The following FHL5 variants were observed in gnomAD, a reference collection of about 807,000 sequenced individuals.
FHL5 encodes the protein four and a half LIM domains 5.
A neutral mutation model predicts 32.0 loss-of-function variants in FHL5; 33 were observed. The observed-to-expected ratio is 1.03, with a 90% CI of 0.78 to 1.38. The LOEUF is 1.38. Among genes scored for constraint, FHL5 ranks in the 40% most tolerant of loss-of-function variants. FHL5 has a pLI of 0.00. For missense variants in FHL5, 336 were observed against 343.9 expected, an observed-to-expected ratio of 0.98 and a Z score of 0.18; for synonymous variants, 114 against 113.6, an observed-to-expected ratio of 1.00 and a Z score of -0.02.
At chr6:96,577,713 C>T (rs1385579220) in intron 1 of FHL5, among the ~76,000 whole-genome samples, 2 of 152,132 alleles carry the variant, frequency 1.3e-5, no homozygotes, top group Non-Finnish European at 1.5e-5. Flanking sequence ...GAAGCTGTTA[C>T]TTGGTCAACA....
intron 5 of FHL5, 26 bp from the exon 6 acceptor site, chr6:96,615,583 A>T: frequency 6.4e-7 from 1 of 1,572,740 alleles, no homozygotes; most frequent in Non-Finnish European, 8.7e-7. Context: ...AGGATAGATT[A>T]ATCTTTTTCT....
At chr6:96,597,252 T>C (rs188794337) in intron 1 of FHL5, among the ~76,000 whole-genome samples, 2 of 151,832 alleles carry the variant, frequency 1.3e-5, no homozygotes, top group Admixed American at 1.3e-4. Flanking sequence ...ATACATTATA[T>C]ATAATTACTT....
chr6:96,566,139 G>A (rs537037038), intron 1 of FHL5, among the ~76,000 whole-genome samples: 3 of 151,754 alleles, frequency 2.0e-5, no homozygotes, highest in African/African-American at 7.2e-5. Context: ...ACCTACCTTT[G>A]GCTATCTCTT....
chr6:96,600,002 T>C (rs1354138232), intron 1 of FHL5, among the ~76,000 whole-genome samples: 1 of 152,218 alleles, frequency 6.6e-6, no homozygotes, highest in Non-Finnish European at 1.5e-5. Flanking sequence ...TGTTAGGGAA[T>C]GGTTAAAACA....
Position 96,605,990 on chromosome 6 carries a change from T to G in FHL5, c.423T>G (p.Pro141=). 6.2e-7 allele frequency: 1 copy of G among 1,614,098 alleles called. No individual in the cohort carries two copies. The highest frequency in any genetic ancestry group is 8.5e-7 in the Non-Finnish European group (1 of 1,179,968). The part of the protein sequence containing the change: ...ENCRQPIGTK[P]LISKESGNYC... ...GCCGACAACCTATAGGGACAAAGCC[T>G]TTGATCTCCAAAGAGAGTGGCAATT... Residue 141 remains proline (P), a synonymous_variant, in exon 4 of 6, where the codon CCT becomes CCG. Transcript: ENST00000450218.
At chr6:96,589,915 T>A (rs180743407) in intron 1 of FHL5, among the ~76,000 whole-genome samples, 1 of 152,192 alleles carries the variant, frequency 6.6e-6, no homozygotes, top group Non-Finnish European at 1.5e-5. Context: ...CAACACCATT[T>A]ACTAAAAAGA....
chr6:96,591,035 T>C (rs1027353140), intron 1 of FHL5, among the ~76,000 whole-genome samples: 3 of 152,108 alleles, frequency 2.0e-5, no homozygotes, highest in African/African-American at 7.2e-5. Context: ...TATGGACCTA[T>C]AGTTTTCCTT....
At chr6:96,593,571 T>C (rs937542052) in intron 1 of FHL5, among the ~76,000 whole-genome samples, 3 of 152,116 alleles carry the variant, frequency 2.0e-5, no homozygotes, top group Non-Finnish European at 4.4e-5. Context: ...AGGGCATAGC[T>C]CTTTGGAAAT....
chr6:96,605,945 C>A lies in FHL5; in HGVS notation c.378C>A (p.Thr126=), dbSNP rs1554180240. Residue 126 remains threonine, a synonymous_variant, in exon 4 of 6, where the codon ACC becomes ACA. Coordinates refer to ENST00000450218, the MANE Select transcript of FHL5 (RefSeq NM_001322466.2). ...TTAAGGGAAACTACTGGCATGAAAC[C>A]TGTTTTGTGTGTGAGAATTGCCGAC... ...MEFKGNYWHE[T]CFVCENCRQP... 1.2e-6 allele frequency: 2 copies of A among 1,614,052 alleles called. No individual in the cohort carries two copies. The highest frequency in any genetic ancestry group is 2.2e-5 in the East Asian group (1 of 44,868).
At chr6:96,576,509 C>A (rs945594037) in intron 1 of FHL5, among the ~76,000 whole-genome samples, 9 of 152,222 alleles carry the variant, frequency 5.9e-5, no homozygotes, top group Non-Finnish European at 1.3e-4. Flanking sequence ...ACCACGTAAG[C>A]TTTTCATAGG....
intron 1 of FHL5, among the ~76,000 whole-genome samples, chr6:96,580,507 G>T (rs1770676677): frequency 6.6e-6 from 1 of 152,086 alleles, no homozygotes; most frequent in Non-Finnish European, 1.5e-5. Context: ...GTGCCCTTAT[G>T]GACCTCAGAA....
rs552332278 is a variant in FHL5, at chr6:96,565,931, A to G, written c.-13+2576A>G. On this transcript the variant is annotated intron_variant, in intron 1 of 5. Coordinates refer to ENST00000450218, the MANE Select transcript of FHL5 (RefSeq NM_001322466.2). ...CAGGTACAATGTGATATTTGTATAC[A>G]TGTATATGACAAATTATCAAATCAG... Among the ~76,000 whole-genome samples, 4 of 152,188 alleles carry G rather than the reference A, an allele frequency of 2.6e-5. No homozygotes were observed. The East Asian group carries it at 7.7e-4, about 29-fold the overall frequency.
intron 2 of FHL5, among the ~76,000 whole-genome samples, 184 bp downstream of exon 2, chr6:96,603,956 T>C (rs1298365755): frequency 6.6e-6 from 1 of 152,204 alleles, no homozygotes; most frequent in Non-Finnish European, 1.5e-5. Context: ...ATACAACATA[T>C]GCTTAATCCT....
chr6:96,607,587 A>T (rs191234400), intron 4 of FHL5, among the ~76,000 whole-genome samples: 1 of 152,290 alleles, frequency 6.6e-6, no homozygotes, highest in East Asian at 1.9e-4. Flanking sequence ...GACCTTCATT[A>T]CTCTACCAAA....
In FHL5 at chr6:96,604,845, T is replaced by C; in HGVS notation, c.255T>C (p.Asp85=). 3 of 1,614,102 alleles carry C rather than the reference T, an allele frequency of 1.9e-6. No individual in the cohort carries two copies. Among genetic ancestry groups the C allele is most frequent in the Non-Finnish European group, 2.5e-6 (3 of 1,179,940 alleles). The stretch of plus-strand genomic sequence containing the variant: ...TGGAAAAGCCTTTTGCTGCCAAGGA[T>C]GAGCGCCTGCTGTGCACGGAGTGCT... The part of the protein sequence containing the change: ...SLVEKPFAAK[D]ERLLCTECYS... Residue 85 remains aspartate, a synonymous_variant, in exon 3 of 6, where the codon GAT becomes GAC. Transcript: ENST00000450218.
chr6:96,580,011 G>A (rs543650829), intron 1 of FHL5, among the ~76,000 whole-genome samples: 2 of 152,316 alleles, frequency 1.3e-5, no homozygotes, highest in Admixed American at 1.3e-4. Flanking sequence ...GACTTGCAAA[G>A]AGATAGGATA....
rs557448247 is a variant in FHL5 at position 96,566,958 on chromosome 6, G to C, written c.-13+3603G>C. Among the ~76,000 whole-genome samples the C allele has an allele frequency of 1.4e-4, 21 of 151,994 alleles. No homozygotes were observed. In the South Asian group the frequency reaches 3.9e-3, roughly 29 times the overall value. Reference sequence around the variant, plus strand: ...AGGTTGTCTTTTTTCTCTGTTGACTGTTTCCTTTGCTGCGCAGAAGCTTTT... The same window carrying C: ...AGGTTGTCTTTTTTCTCTGTTGACTCTTTCCTTTGCTGCGCAGAAGCTTTT... On this transcript the variant is annotated intron_variant, in intron 1 of 5. Transcript: ENST00000450218.
intron 1 of FHL5, among the ~76,000 whole-genome samples, chr6:96,593,537 T>C (rs1467492035): frequency 6.6e-6 from 1 of 152,082 alleles, no homozygotes; most frequent in Non-Finnish European, 1.5e-5. Flanking sequence ...AAATACTAGT[T>C]TACTTCTAAT....
intron 1 of FHL5, among the ~76,000 whole-genome samples, chr6:96,583,143 T>C (rs1335841269): frequency 2.0e-5 from 3 of 152,136 alleles, no homozygotes; most frequent in Non-Finnish European, 2.9e-5. Flanking sequence ...TTGGTATTTA[T>C]GTCTTTGGTT....
Sources: gnomAD v4.1 joint callset for allele counts (sites outside exome capture counted in the v4.1 genomes callset) on GRCh38, gnomAD v4.1.1 for gene constraint, MANE v1.5 for transcripts, NCBI Gene and HGNC (gene_info 2026-07-23, HGNC 2026-07-21) for gene names.